The following TMEM116 variants were observed in gnomAD, a reference collection of about 807,000 sequenced individuals.
TMEM116 encodes transmembrane protein 116.
A neutral mutation model predicts 44.3 loss-of-function variants in TMEM116; 38 were observed. The observed-to-expected ratio is 0.86, with a 90% CI of 0.66 to 1.12. The LOEUF is 1.12. Ranked by LOEUF, TMEM116 falls within the 50% of genes most tolerant of loss-of-function variation. TMEM116 has a pLI of 0.00. For synonymous variants in TMEM116, 132 were observed against 144.8 expected (o/e 0.91, Z 0.64); for missense variants, 354 against 401.7 (o/e 0.88, Z 1.01).
At chr12:111,943,191 T>C in intron 5 of TMEM116, 74 bp downstream of exon 5, 1 of 1,197,162 alleles carries the variant, frequency 8.4e-7, no homozygotes, top group Non-Finnish European at 1.2e-6. Context: ...CCCTAACTGC[T>C]GGGATTACAG....
intron 3 of TMEM116, among the ~76,000 whole-genome samples, chr12:111,995,146 A>G (rs2076859370): frequency 6.6e-6 from 1 of 152,230 alleles, no homozygotes; most frequent in East Asian, 1.9e-4. Context: ...AATAATCAGG[A>G]GCATTTCATC....
At chr12:111,979,381 G>C (rs150829457) in intron 4 of TMEM116, among the ~76,000 whole-genome samples, 517 of 152,210 alleles carry the variant, frequency 3.4e-3, no homozygotes, top group Non-Finnish European at 4.2e-3. Context: ...AAAGAAGCCA[G>C]ACACAAAATG....
At chr12:112,010,012 CAT>C (rs2077766932) in intron 1 of TMEM116, among the ~76,000 whole-genome samples, 1 of 152,076 alleles carries the variant, frequency 6.6e-6, no homozygotes, top group African/African-American at 2.4e-5. Flanking sequence ...TTAATAGCTC[CAT>C]ATAGACTACA....
intron 4 of TMEM116, 133 bp downstream of exon 4, chr12:111,991,625 G>A (rs529968028): frequency 4.6e-6 from 4 of 864,946 alleles, no homozygotes; most frequent in East Asian, 6.5e-5. Context: ...TATGAAAAAA[G>A]ATAAAAGCTA....
intron 1 of TMEM116, chr12:112,005,951 A>T: frequency 1.0e-6 from 1 of 985,894 alleles, no homozygotes; most frequent in Non-Finnish European, 1.2e-6. Context: ...GACCTTACCA[A>T]GTCCCAACTG....
At chr12:112,006,677 C>T (rs2077599753) in intron 1 of TMEM116, among the ~76,000 whole-genome samples, 1 of 152,130 alleles carries the variant, frequency 6.6e-6, no homozygotes, top group African/African-American at 2.4e-5. Context: ...ACCAAAAATT[C>T]AAATGATTTG....
In TMEM116 at chr12:111,931,397, C is replaced by A; in HGVS notation, c.*224G>T. On this transcript the variant is annotated 3_prime_UTR_variant, in exon 11 of 11. Coordinates refer to ENST00000552374, the MANE Select transcript of TMEM116 (RefSeq NM_001193531.2). ...CTATCTCTGAGATGGAAAGTGTCTTCCTCTCCCTGAATAGAGACTTTAAGG... is the reference window on the plus strand; with the variant it reads ...CTATCTCTGAGATGGAAAGTGTCTTACTCTCCCTGAATAGAGACTTTAAGG... 1 of 545,460 alleles carries A rather than the reference C, an allele frequency of 1.8e-6. No individual in the cohort carries two copies. The highest frequency in any genetic ancestry group is 3.2e-6 in the Non-Finnish European group (1 of 309,432). 33.8% of individuals were successfully genotyped at this position (545,460 alleles called of 1,614,324 possible).
chr12:111,989,003 C>CAAAACA (rs758897074), intron 4 of TMEM116, among the ~76,000 whole-genome samples: 2,780 of 149,144 alleles, frequency 0.019, 92 homozygotes, highest in African/African-American at 0.064. Flanking sequence ...AAAACAAAAA[C>CAAAACA]AAAACAAAAA....
chr12:111,979,850 T>C (rs1320757648), intron 4 of TMEM116, among the ~76,000 whole-genome samples: 1 of 152,192 alleles, frequency 6.6e-6, no homozygotes, highest in African/African-American at 2.4e-5. Flanking sequence ...CAACATTATA[T>C]GTCATTAGAG....
chr12:111,934,074 A>G (rs2071914956), intron 8 of TMEM116, 44 bp from the exon 9 acceptor site: 5 of 1,606,034 alleles, frequency 3.1e-6, no homozygotes, highest in Non-Finnish European at 4.3e-6. Flanking sequence ...AAAGCTTAGT[A>G]AAATGCCCCA....
At chr12:111,965,666 T>A (rs1204217735) in intron 4 of TMEM116, 5 of 362,822 alleles carry the variant, frequency 1.4e-5, no homozygotes, top group Non-Finnish European at 2.7e-5. Flanking sequence ...GGCTCACACC[T>A]GTAATCCCAG....
intron 4 of TMEM116, among the ~76,000 whole-genome samples, chr12:111,990,282 C>T (rs977988053): frequency 6.0e-5 from 9 of 151,024 alleles, no homozygotes; most frequent in Non-Finnish European, 1.3e-4. Context: ...TAACATTAAC[C>T]ACATCTGTAC....
chr12:111,961,585 T>C (rs1029403853), intron 4 of TMEM116, among the ~76,000 whole-genome samples: 3 of 151,960 alleles, frequency 2.0e-5, no homozygotes, highest in Non-Finnish European at 4.4e-5. Context: ...ACATGATTAA[T>C]AGATGCAGAA....
intron 4 of TMEM116, among the ~76,000 whole-genome samples, chr12:111,957,762 C>A (rs1166389206): frequency 1.3e-5 from 2 of 152,242 alleles, no homozygotes; most frequent in African/African-American, 2.4e-5. Flanking sequence ...GCCACCACCC[C>A]GTCTGGGAGG....
chr12:112,003,988 A>G (rs2077432342), intron 2 of TMEM116, 125 bp from the exon 3 acceptor site: 1 of 1,327,812 alleles, frequency 7.5e-7, no homozygotes, highest in African/African-American at 1.5e-5. Flanking sequence ...ACTGCATTAA[A>G]AAAATTTTTA....
At chr12:111,958,063 T>C (rs1202289768) in intron 4 of TMEM116, among the ~76,000 whole-genome samples, 2 of 151,954 alleles carry the variant, frequency 1.3e-5, no homozygotes, top group African/African-American at 4.8e-5. Flanking sequence ...GTTAAACAGA[T>C]GCTTGAAGGC....
In TMEM116 at chr12:112,003,792, T is replaced by A. The variant is rs1175006461; in HGVS notation, c.78+8A>T. The A allele has an allele frequency of 2.0e-6, 3 of 1,511,692 alleles. No homozygotes were observed. The Admixed American group carries it at 6.8e-5, about 34-fold the overall frequency. The allele number at this position is 1,511,692 out of a possible 1,614,324, so 93.6% of individuals were successfully genotyped here. A position where few individuals can be genotyped will look rare whatever the true frequency, so the allele number is the denominator to read the frequency against. On this transcript the variant is annotated splice_region_variant and intron_variant, in intron 3 of 10. Coordinates refer to ENST00000552374, the MANE Select transcript of TMEM116 (RefSeq NM_001193531.2). The stretch of plus-strand genomic sequence containing the variant: ...AGTTCAAATCCAACACAAAGAGAAA[T>A]CACTCACCTCTGGAGATTTCTGTAT...
At chr12:111,972,076 GAAAA>G (rs762088997) in intron 4 of TMEM116, among the ~76,000 whole-genome samples, 10 of 57,534 alleles carry the variant, frequency 1.7e-4, no homozygotes, top group African/African-American at 3.8e-4. Context: ...CCCTATCTGT[GAAAA>G]AAAAAAAAAA....
rs377171372 is a variant in TMEM116 at position 112,003,563 on chromosome 12, G to A, written c.78+237C>T. 9.1e-4 allele frequency: 342 copies of A among 376,670 alleles called. 2 individuals are homozygous for A. The highest frequency in any genetic ancestry group is 1.2e-3 in the Non-Finnish European group (268 of 223,844). The allele number at this position is 376,670 out of a possible 1,614,324, so 23.3% of individuals were successfully genotyped here. Reference sequence around the variant, plus strand: ...AGCCTGGGTGACAGAGCAAGACTCCGTCTCAAAAAAAAAAAAAAAATAGTT... The same window carrying A: ...AGCCTGGGTGACAGAGCAAGACTCCATCTCAAAAAAAAAAAAAAAATAGTT... On this transcript the variant is annotated intron_variant, in intron 3 of 10. Transcript: ENST00000552374.
Sources: allele counts gnomAD v4.1 joint callset (sites outside exome capture counted in the v4.1 genomes callset), GRCh38; gene constraint gnomAD v4.1.1; transcripts MANE v1.5; gene names NCBI Gene and HGNC (gene_info 2026-07-23, HGNC 2026-07-21).